The following MMS19 variants were observed in gnomAD, a reference collection of about 807,000 sequenced individuals.
MMS19 encodes the protein MMS19 nucleotide excision repair protein homolog.
MMS19 carries 77 observed loss-of-function variants against 129.8 expected under a neutral mutation model. That is an observed-to-expected ratio of 0.59 (90% CI 0.49 to 0.72). The LOEUF is 0.72. MMS19 is among the 30% of genes least tolerant of loss of function. The pLI, the probability that MMS19 is intolerant of heterozygous loss-of-function variation, is 0.00. For synonymous variants in MMS19, 491 were observed against 502.8 expected, an observed-to-expected ratio of 0.98 and a Z score of 0.31; for missense variants, 1,168 against 1,266.3, an observed-to-expected ratio of 0.92 and a Z score of 1.18.
upstream of MMS19, chr10:97,498,476 C>T (rs758681003): frequency 1.3e-6 from 2 of 1,513,192 alleles, no homozygotes. Flanking sequence ...TCCGGGGAAG[C>T]GCAAGGGGGC....
chr10:97,472,296 A>G (rs983203130), intron 8 of MMS19, among the ~76,000 whole-genome samples: 4 of 152,138 alleles, frequency 2.6e-5, no homozygotes, highest in African/African-American at 9.7e-5. Flanking sequence ...CTGGAGTGCA[A>G]TGGCACGATC....
Position 97,461,003 on chromosome 10 carries a change from C to T in MMS19, c.2316G>A (p.Gln772=). ...CTAGCTGTAGGAATTCATCCAGCTG[C>T]TGCCCTAAAAAGGAGAGAGGAAATG... The part of the protein sequence containing the change: ...AGLLNKHPAG[Q]QLDEFLQLAV... Residue 772 remains glutamine, a synonymous_variant, in exon 24 of 31, where the codon CAG becomes CAA. Transcript: ENST00000438925. 6.4e-7 allele frequency: 1 copy of T among 1,556,458 alleles called. No homozygotes were observed. Among genetic ancestry groups the T allele is most frequent in the Non-Finnish European group, 8.7e-7 (1 of 1,148,844 alleles).
rs571904470 is a variant in MMS19 at position 97,459,172 on chromosome 10, T to A, written c.2964+51A>T. 1.0e-5 allele frequency: 16 copies of A among 1,563,184 alleles called. 1 individual carries two copies. In the Admixed American group the frequency reaches 2.6e-4, roughly 25 times the overall value. On this transcript the variant is annotated intron_variant, in intron 29 of 30. Transcript: ENST00000438925. ...CCTGACTAAGGCAAAAAGGTACTTA[T>A]GTGTCTCTTGAGATGTTCCCAGGCC... is the stretch of plus-strand genomic sequence containing the variant.
rs563406941 is a variant in MMS19 at position 97,489,302 on chromosome 10, C to T, written c.113-5151G>A. ...GATTGTTTTTATTTGCATTTATTTA[C>T]ATCTCTGGAAGATATAAAAGGAACT... On this transcript the variant is annotated intron_variant, in intron 1 of 30. Coordinates refer to ENST00000438925, the MANE Select transcript of MMS19 (RefSeq NM_022362.5). Among the ~76,000 whole-genome samples the T allele has an allele frequency of 5.1e-4, 78 of 152,274 alleles. 4 individuals are homozygous for T. In the South Asian group the frequency reaches 0.014, roughly 28 times the overall value.
At chr10:97,477,747 G>C in intron 5 of MMS19, 108 bp downstream of exon 5, 1 of 765,876 alleles carries the variant, frequency 1.3e-6, no homozygotes, top group East Asian at 2.7e-5. Context: ...ACATTCACAA[G>C]ATCCAAAAGA....
At chr10:97,470,692 T>C (rs2034508025) in intron 9 of MMS19, 83 bp downstream of exon 9, 1 of 859,886 alleles carries the variant, frequency 1.2e-6, no homozygotes, top group African/African-American at 1.7e-5. Flanking sequence ...ATACCAGATA[T>C]TTTTTTCTCC....
chr10:97,465,287 A>ACTG (rs548138920), intron 18 of MMS19, among the ~76,000 whole-genome samples: 78 of 152,206 alleles, frequency 5.1e-4, no homozygotes, highest in African/African-American at 1.8e-3. Context: ...GGCATGTGCC[A>ACTG]CTGCGCCCAA....
At chr10:97,481,071 G>A (rs2036708202) in intron 2 of MMS19, 29 bp from the exon 3 acceptor site, 2 of 1,279,936 alleles carry the variant, frequency 1.6e-6, no homozygotes, top group Admixed American at 1.9e-5. Context: ...GAGAGAACCT[G>A]CAATTACCCA....
chr10:97,491,183 T>C (rs1328081590), intron 1 of MMS19, among the ~76,000 whole-genome samples: 3 of 152,212 alleles, frequency 2.0e-5, no homozygotes, highest in Admixed American at 6.5e-5. Flanking sequence ...ATTGTACAGA[T>C]GAAGCCATAG....
chr10:97,484,178 GA>G (rs2037394279), intron 1 of MMS19, 27 bp from the exon 2 acceptor site: 4 of 1,398,720 alleles, frequency 2.9e-6, no homozygotes, highest in Non-Finnish European at 3.9e-6. Context: ...AAATAAATAT[GA>G]AAAATAAAAA....
chr10:97,477,775 CA>C (rs1384609154), intron 5 of MMS19, 79 bp downstream of exon 5: 3 of 959,856 alleles, frequency 3.1e-6, no homozygotes, highest in East Asian at 5.3e-5. Context: ...ACTTAGAAGG[CA>C]ATAATTTTTG....
rs2036619256 is a variant in MMS19, at chr10:97,480,633, G to GT, written c.262+308dup. On this transcript the variant is annotated intron_variant, in intron 3 of 30. Transcript: ENST00000438925. Reference sequence around the variant, plus strand: ...GTCCCGCTCTGTCATCCAGGCTGGAGTTCAGTGGCGTGATCTCGGCTCACT... The same window carrying GT: ...GTCCCGCTCTGTCATCCAGGCTGGAGTTTCAGTGGCGTGATCTCGGCTCACT... Among the ~76,000 whole-genome samples, 6 of 152,310 alleles carry GT rather than the reference G, an allele frequency of 3.9e-5. No individual in the cohort carries two copies. In the South Asian group the frequency reaches 1.2e-3, roughly 32 times the overall value.
In MMS19 at chr10:97,466,184, T is replaced by C. The variant is rs112341396; in HGVS notation, c.1506-25A>G. On this transcript the variant is annotated intron_variant, in intron 16 of 30. Transcript: ENST00000438925. ...GCTGGAGGCGCAGAGCAGATAAGCATTGGCTGAGCCTGGGCTCACAGCTCT... is the reference window on the plus strand; with the variant it reads ...GCTGGAGGCGCAGAGCAGATAAGCACTGGCTGAGCCTGGGCTCACAGCTCT... 1.2e-4 allele frequency: 192 copies of C among 1,542,572 alleles called. No homozygotes were observed. The African/African-American group carries it at 1.6e-3, about 13-fold the overall frequency.
intron 14 of MMS19, 85 bp from the exon 15 acceptor site, chr10:97,466,986 G>A: frequency 6.5e-7 from 1 of 1,536,586 alleles, no homozygotes; most frequent in Non-Finnish European, 8.8e-7. Flanking sequence ...CCAACCTGGG[G>A]TAGATTTTTT....
chr10:97,476,853 A>G lies in MMS19; in HGVS notation c.604T>C (p.Ser202Pro). The G allele has an allele frequency of 3.1e-6, 5 of 1,614,008 alleles. No individual in the cohort carries two copies. Among genetic ancestry groups the G allele is most frequent in the Non-Finnish European group, 4.2e-6 (5 of 1,179,872 alleles). Residue 202 changes from serine (S) to proline (P), a missense_variant, in exon 7 of 31, where the codon TCC (serine) becomes CCC (proline). Ser to Pro is a moderately conservative substitution (Grantham distance 74, BLOSUM62 -1). Coordinates refer to ENST00000438925, the MANE Select transcript of MMS19 (RefSeq NM_022362.5). ...VAFRIVHDLI[S>P]RDYSLGPFVE... ...GATATACCCAGGCTATAGTCCCTGG[A>G]GATGAGGTCATGGACGATGCGGAAG...
chr10:97,469,189 G>A, intron 11 of MMS19, 85 bp from the exon 12 acceptor site: 4 of 1,471,480 alleles, frequency 2.7e-6, no homozygotes, highest in Admixed American at 2.5e-5. Flanking sequence ...CCTTGTTGGA[G>A]AGGGGAGTGA....
intron 1 of MMS19, among the ~76,000 whole-genome samples, chr10:97,494,151 G>GA (rs1341445598): frequency 6.6e-6 from 1 of 152,154 alleles, no homozygotes; most frequent in Non-Finnish European, 1.5e-5. Flanking sequence ...TGGTATCAAG[G>GA]AAAAAATCAG....
chr10:97,464,437 T>TGGGCCTGA (rs1474326644), intron 18 of MMS19, among the ~76,000 whole-genome samples: 1 of 152,160 alleles, frequency 6.6e-6, no homozygotes, highest in Non-Finnish European at 1.5e-5. Context: ...TCAACCACAG[T>TGGGCCTGA]GGGCCTGAAT....
chr10:97,471,032 G>C (rs1434972565), intron 8 of MMS19, among the ~76,000 whole-genome samples, 171 bp from the exon 9 acceptor site: 1 of 152,040 alleles, frequency 6.6e-6, no homozygotes, highest in Non-Finnish European at 1.5e-5. Context: ...TACTCCTTGG[G>C]AACTTTTGTC....
Sources: allele counts gnomAD v4.1 joint callset (sites outside exome capture counted in the v4.1 genomes callset), GRCh38; gene constraint gnomAD v4.1.1; transcripts MANE v1.5; gene names NCBI Gene and HGNC (gene_info 2026-07-23, HGNC 2026-07-21).